DPP6: variants seen among roughly 807,000 people sequenced by gnomAD.
DPP6 encodes A-type potassium channel modulatory protein DPP6.
DPP6 carries 69 observed loss-of-function variants against 122.6 expected under a neutral mutation model. That is an observed-to-expected ratio of 0.56 (90% CI 0.46 to 0.69). DPP6 has a LOEUF of 0.69. Among genes scored for constraint, DPP6 ranks in the 30% least tolerant of loss-of-function variants. The probability of loss-of-function intolerance (pLI) is 0.00; values close to 1 mark genes in which losing one functional copy is unlikely to be tolerated. For missense variants in DPP6, 928 were observed against 1,116.9 expected (o/e 0.83, Z 2.41); for synonymous variants, 418 against 433.1 (o/e 0.97, Z 0.43).
At chr7:154,825,179 C>T (rs1800060360) in intron 16 of DPP6, among the ~76,000 whole-genome samples, 1 of 152,166 alleles carries the variant, frequency 6.6e-6, no homozygotes, top group Non-Finnish European at 1.5e-5. Context: ...CTCAGCCTTG[C>T]TTACAAGCTA....
At chr7:154,429,271 G>A (rs1586242961) in intron 1 of DPP6, among the ~76,000 whole-genome samples, 1 of 151,868 alleles carries the variant, frequency 6.6e-6, no homozygotes. Context: ...TGGAATCCAC[G>A]TGCGAGCACA....
In DPP6 at chr7:154,705,896, C is replaced by G. The variant is rs3807251; in HGVS notation, c.763-21871C>G. 3.3e-5 allele frequency among the ~76,000 whole-genome samples: 5 copies of G among 152,352 alleles called. No individual in the cohort carries two copies. In the East Asian group the frequency reaches 9.6e-4, roughly 29 times the overall value. ...TGATTACAGCAACATCTGATCAATG[C>G]TTTCAACTCAGACAAAGTGGCCAGT... On this transcript the variant is annotated intron_variant, in intron 7 of 25. Transcript: ENST00000377770.
chr7:153,807,184 G>A, the DPP6 span, among the ~76,000 whole-genome samples: 3 of 151,720 alleles, frequency 2.0e-5, no homozygotes, highest in East Asian at 1.9e-4. Flanking sequence ...AGGCTGAGGC[G>A]GGCACATCAC....
At chr7:154,226,074 G>A (rs539494053) in intron 1 of DPP6, among the ~76,000 whole-genome samples, 3 of 152,132 alleles carry the variant, frequency 2.0e-5, no homozygotes, top group South Asian at 2.1e-4. Context: ...CTGATGACAC[G>A]ATGCTGAACC....
At chr7:154,521,366 T>A (rs570597317) in intron 3 of DPP6, among the ~76,000 whole-genome samples, 6 of 143,064 alleles carry the variant, frequency 4.2e-5, no homozygotes, top group Non-Finnish European at 8.0e-5. Context: ...ACAAATAAAT[T>A]GTTTTTTTTT....
intron 1 of DPP6, among the ~76,000 whole-genome samples, chr7:154,296,302 G>T (rs6943951): frequency 0.094 from 14,249 of 152,042 alleles, 960 homozygotes; most frequent in African/African-American, 0.19. Context: ...GTTCCACAAG[G>T]ATGGACACCC....
the DPP6 span, among the ~76,000 whole-genome samples, chr7:153,837,425 C>G: frequency 6.6e-6 from 1 of 152,186 alleles, no homozygotes; most frequent in African/African-American, 2.4e-5. Context: ...GAAGCCCAGA[C>G]AGCTTAAATA....
intron 16 of DPP6, among the ~76,000 whole-genome samples, chr7:154,818,756 G>T (rs1799576249): frequency 6.6e-6 from 1 of 152,176 alleles, no homozygotes. Context: ...TTGGAGCATT[G>T]CTGGTGTGTT....
rs1403086325 is a variant in DPP6 at position 153,918,460 on chromosome 7, ACACACACTCT to A, written c.51+30728_51+30737del. Among the ~76,000 whole-genome samples, 196 of 88,652 alleles carry A rather than the reference ACACACACTCT, an allele frequency of 2.2e-3. 3 individuals are homozygous for A. The highest frequency in any genetic ancestry group is 3.9e-3 in the African/African-American group (101 of 25,972). The allele number at this position is 88,652 out of a possible 152,430, so 58.2% of individuals were successfully genotyped here. A position where few individuals can be genotyped will look rare whatever the true frequency, so the allele number is the denominator to read the frequency against. On this transcript the variant is annotated intron_variant, in intron 1 of 25. Transcript: ENST00000404039. ...CACACACACACACACACACACACAC[ACACACACTCT>A]CTCTCTCTCTCTCTCTCTCTTTTTC...
chr7:154,599,741 A>G (rs925971497), intron 5 of DPP6, among the ~76,000 whole-genome samples: 6 of 151,486 alleles, frequency 4.0e-5, no homozygotes, highest in African/African-American at 1.5e-4. Context: ...TCATTGTTCA[A>G]TTCCCACCTA....
intron 1 of DPP6, among the ~76,000 whole-genome samples, chr7:153,952,130 G>A (rs1802247155): frequency 6.6e-6 from 1 of 152,202 alleles, no homozygotes; most frequent in Non-Finnish European, 1.5e-5. Context: ...TTGTCCTCGT[G>A]GGTTGTGGTA....
rs543285514 is a variant in DPP6 at position 154,632,098 on chromosome 7, C to G, written c.628-5723C>G. The stretch of plus-strand genomic sequence containing the variant: ...AGAAACAGCTGGATTCGTTACAGCT[C>G]AGCATTCACCTTATTTGAACATGCT... On this transcript the variant is annotated intron_variant, in intron 5 of 25. Coordinates refer to ENST00000377770, the MANE Select transcript of DPP6 (RefSeq NM_130797.4). Among the ~76,000 whole-genome samples the G allele has an allele frequency of 1.4e-4, 21 of 152,318 alleles. 1 individual carries two copies. In the South Asian group the frequency reaches 2.7e-3, roughly 20 times the overall value.
intron 1 of DPP6, among the ~76,000 whole-genome samples, chr7:153,947,943 G>A (rs1443532451): frequency 1.3e-5 from 2 of 152,138 alleles, no homozygotes; most frequent in African/African-American, 4.8e-5. Context: ...TAGCATCTTT[G>A]TGGTAGTGTG....
chr7:154,690,323 G>A (rs753541007), intron 7 of DPP6, among the ~76,000 whole-genome samples: 1 of 152,116 alleles, frequency 6.6e-6, no homozygotes, highest in African/African-American at 2.4e-5. Context: ...ACCAATGTCG[G>A]CCTTCCCTTA....
intron 16 of DPP6, among the ~76,000 whole-genome samples, chr7:154,822,441 G>A (rs12537170): frequency 0.021 from 3,180 of 152,228 alleles, 58 homozygotes; most frequent in African/African-American, 0.05. Context: ...CTCCACCCTC[G>A]TGATTTAATC....
chr7:154,553,969 A>G (rs1829833589), intron 4 of DPP6, among the ~76,000 whole-genome samples: 1 of 151,154 alleles, frequency 6.6e-6, no homozygotes, highest in Admixed American at 6.6e-5. Flanking sequence ...TTTCAAGGTT[A>G]GAGAGAACCG....
chr7:154,753,832 G>A (rs1206003797), intron 8 of DPP6, among the ~76,000 whole-genome samples: 1 of 152,142 alleles, frequency 6.6e-6, no homozygotes, highest in East Asian at 1.9e-4. Flanking sequence ...CTGTGACTGT[G>A]GAGGATGCCC....
the DPP6 span, among the ~76,000 whole-genome samples, chr7:153,868,240 T>C: frequency 1.3e-5 from 2 of 152,186 alleles, no homozygotes; most frequent in Admixed American, 1.3e-4. Context: ...CAGCTCCTCC[T>C]TGTACCTCTG....
chr7:154,156,102 C>T (rs562054169), intron 1 of DPP6, among the ~76,000 whole-genome samples: 304 of 152,346 alleles, frequency 2.0e-3, no homozygotes, highest in Non-Finnish European at 3.1e-3. Flanking sequence ...TCCACCCACC[C>T]GCCCCATGCA....
Sources: allele counts gnomAD v4.1 joint callset (sites outside exome capture counted in the v4.1 genomes callset), GRCh38; gene constraint gnomAD v4.1.1; transcripts MANE v1.5; gene names NCBI Gene and HGNC (gene_info 2026-07-23, HGNC 2026-07-21).